The following SNTG2 variants were observed in gnomAD, a reference collection of about 807,000 sequenced individuals.
SNTG2 encodes syntrophin gamma 2.
Under a neutral mutation model 70.9 loss-of-function variants are expected in SNTG2, and 74 were observed. The observed-to-expected ratio is 1.04, with a 90% CI of 0.86 to 1.27. SNTG2 has a LOEUF of 1.27. Among genes scored for constraint, SNTG2 ranks in the 50% most tolerant of loss-of-function variants. The pLI is 0.00. For missense variants in SNTG2, 717 were observed against 690.7 expected, an observed-to-expected ratio of 1.04 and a Z score of -0.43; for synonymous variants, 278 against 273.8, an observed-to-expected ratio of 1.02 and a Z score of -0.15.
At position 1,052,049 on chromosome 2, in the gene SNTG2, A is replaced by AT. The variant is rs542649481; in HGVS notation, c.73-31461dup. Among the ~76,000 whole-genome samples, 31 of 148,306 alleles carry AT rather than the reference A, an allele frequency of 2.1e-4. No homozygotes were observed. In the South Asian group the frequency reaches 2.4e-3, roughly 11 times the overall value. ...TAGATTTCATAATATTTTATTTAGG[A>AT]TTTTTTTTATTTATATTCATGGGGG... On this transcript the variant is annotated intron_variant, in intron 1 of 16. Coordinates refer to ENST00000308624, the MANE Select transcript of SNTG2 (RefSeq NM_018968.4).
At chr2:1,275,653 A>C (rs990171947) in intron 14 of SNTG2, among the ~76,000 whole-genome samples, 1 of 147,454 alleles carries the variant, frequency 6.8e-6, no homozygotes, top group African/African-American at 2.6e-5. Flanking sequence ...AACAGTATTG[A>C]TATTAGGCCA....
chr2:1,112,787 CTAAG>C lies in SNTG2; in HGVS notation c.325+14379_325+14382del, dbSNP rs753125305. Among the ~76,000 whole-genome samples the C allele has an allele frequency of 4.6e-4, 69 of 151,290 alleles. 2 individuals carry two copies. Among genetic ancestry groups the C allele is most frequent in the Non-Finnish European group, 7.1e-4 (48 of 67,926 alleles). Reference sequence around the variant, plus strand: ...AGTCCTTTGAGGAGGATCGTGTGTACTAAGTGAGGTTTAACCCTTGCAGTCGTTT... The same window carrying C: ...AGTCCTTTGAGGAGGATCGTGTGTACTGAGGTTTAACCCTTGCAGTCGTTT... On this transcript the variant is annotated intron_variant, in intron 4 of 16. Coordinates refer to ENST00000308624, the MANE Select transcript of SNTG2 (RefSeq NM_018968.4).
chr2:1,077,559 A>T (rs903367466), intron 1 of SNTG2, among the ~76,000 whole-genome samples: 13 of 152,152 alleles, frequency 8.5e-5, no homozygotes, highest in African/African-American at 3.1e-4. Context: ...GGTCTGCGGC[A>T]CGCATTTAGT....
At chr2:1,236,792 C>T (rs1432882130) in intron 9 of SNTG2, among the ~76,000 whole-genome samples, 1 of 152,106 alleles carries the variant, frequency 6.6e-6, no homozygotes, top group Admixed American at 6.5e-5. Context: ...GCAGCGATGA[C>T]ACTCACATTT....
intron 1 of SNTG2, among the ~76,000 whole-genome samples, chr2:1,054,565 G>A (rs1454296886): frequency 6.6e-6 from 1 of 152,118 alleles, no homozygotes; most frequent in East Asian, 1.9e-4. Context: ...TGTTAGAGAA[G>A]GTCTCAGTAA....
At chr2:1,364,321 C>T (rs1363560508) in intron 16 of SNTG2, among the ~76,000 whole-genome samples, 4 of 151,328 alleles carry the variant, frequency 2.6e-5, no homozygotes, top group African/African-American at 9.7e-5. Context: ...GTAACTTCAA[C>T]TTATGGTACC....
At chr2:1,153,130 A>G (rs1320306851) in intron 6 of SNTG2, among the ~76,000 whole-genome samples, 5 of 152,122 alleles carry the variant, frequency 3.3e-5, no homozygotes, top group African/African-American at 1.2e-4. Context: ...ATCTCAAAAA[A>G]AAAAAAAATG....
In SNTG2 at chr2:951,002, C is replaced by A; in HGVS notation, c.6C>A (p.Gly2=). 1 of 1,255,964 alleles carries A rather than the reference C, an allele frequency of 8.0e-7. No individual in the cohort carries two copies. Among genetic ancestry groups the A allele is most frequent in the Non-Finnish European group, 1.0e-6 (1 of 1,003,616 alleles). The allele number at this position is 1,255,964 out of a possible 1,614,324, so 77.8% of individuals were successfully genotyped here. ...ACCCAGCCGCAGGGGCGGCGATGGG[C>A]ACCGAGGGACCCCCGCCCCCGGCCG... The part of the protein sequence containing the change: M[G]TEGPPPPAAS... Residue 2 remains glycine, a synonymous_variant, in exon 1 of 17, where the codon GGC becomes GGA. Coordinates refer to ENST00000308624, the MANE Select transcript of SNTG2 (RefSeq NM_018968.4).
intron 14 of SNTG2, among the ~76,000 whole-genome samples, chr2:1,269,533 A>G (rs1039127199): frequency 6.6e-6 from 1 of 151,844 alleles, no homozygotes; most frequent in African/African-American, 2.4e-5. Flanking sequence ...AAAAAAAGGT[A>G]TAGGGTAGGG....
chr2:1,286,723 T>A (rs888912991), intron 14 of SNTG2, among the ~76,000 whole-genome samples: 21 of 152,334 alleles, frequency 1.4e-4, no homozygotes, highest in African/African-American at 5.1e-4. Flanking sequence ...ACCAGGGAGC[T>A]GGCAGATCAC....
chr2:1,243,159 C>T (rs1394851303), intron 11 of SNTG2, among the ~76,000 whole-genome samples: 3 of 152,176 alleles, frequency 2.0e-5, no homozygotes, highest in African/African-American at 2.4e-5. Flanking sequence ...AGATTACTGG[C>T]GGTCTATTAT....
At chr2:1,221,345 C>G (rs1170037627) in intron 9 of SNTG2, among the ~76,000 whole-genome samples, 1 of 151,730 alleles carries the variant, frequency 6.6e-6, no homozygotes, top group Non-Finnish European at 1.5e-5. Context: ...CTGTTGCTGT[C>G]TCTGCCTCTG....
chr2:1,323,469 CA>C, intron 16 of SNTG2, among the ~76,000 whole-genome samples: 1 of 115,230 alleles, frequency 8.7e-6, no homozygotes, highest in East Asian at 4.0e-4. Context: ...TGAGACCCCC[CA>C]GTAGACTAGG....
chr2:1,098,211 C>T lies in SNTG2; in HGVS notation c.226C>T (p.Leu76Phe), dbSNP rs1340334947. 1.2e-6 allele frequency: 2 copies of T among 1,613,936 alleles called. No homozygotes were observed. The highest frequency in any genetic ancestry group is 1.7e-6 in the Non-Finnish European group (2 of 1,179,916). Reference protein sequence around the residue: ...HQGRNRRTVTLRRQPVGGLGL... With the variant: ...HQGRNRRTVTFRRQPVGGLGL... ...TGTTTTAAAGCGCAGAACTGTTACA[C>T]TCCGCAGACAGCCAGTTGGCGGCTT... is the stretch of plus-strand genomic sequence containing the variant. The change falls in exon 3 of 17, where the codon CTC (leucine) becomes TTC (phenylalanine). Residue 76 changes from leucine to phenylalanine, a missense_variant. Physicochemically the swap from Leu to Phe is conservative, Grantham distance 22. Coordinates refer to ENST00000308624, the MANE Select transcript of SNTG2 (RefSeq NM_018968.4).
chr2:1,061,789 C>T (rs1188080456), intron 1 of SNTG2, among the ~76,000 whole-genome samples: 1 of 152,180 alleles, frequency 6.6e-6, no homozygotes, highest in Non-Finnish European at 1.5e-5. Flanking sequence ...TCTTAAAACC[C>T]TCACAGTTCT....
At chr2:1,089,629 C>T (rs549453904) in intron 2 of SNTG2, among the ~76,000 whole-genome samples, 3 of 58,094 alleles carry the variant, frequency 5.2e-5, no homozygotes, top group Middle Eastern at 0.013. Context: ...AGCGAAACTC[C>T]GTCTCAAAAT....
At chr2:1,158,675 G>C (rs1045790160) in intron 6 of SNTG2, among the ~76,000 whole-genome samples, 2 of 152,214 alleles carry the variant, frequency 1.3e-5, no homozygotes, top group Admixed American at 1.3e-4. Flanking sequence ...AGGGGTGTGA[G>C]AGAATTAAAG....
At chr2:962,575 A>G (rs1660387177) in intron 1 of SNTG2, among the ~76,000 whole-genome samples, 1 of 152,224 alleles carries the variant, frequency 6.6e-6, no homozygotes, top group Non-Finnish European at 1.5e-5. Flanking sequence ...GAAGTAAGGA[A>G]TTTATCCATG....
chr2:1,154,908 TAC>T (rs374095729), intron 6 of SNTG2, among the ~76,000 whole-genome samples: 3 of 140,874 alleles, frequency 2.1e-5, no homozygotes, highest in East Asian at 2.1e-4. Context: ...ACATACCACA[TAC>T]ACACACACAA....
Sources: gnomAD v4.1 joint callset for allele counts (sites outside exome capture counted in the v4.1 genomes callset) on GRCh38, gnomAD v4.1.1 for gene constraint, MANE v1.5 for transcripts, NCBI Gene and HGNC (gene_info 2026-07-23, HGNC 2026-07-21) for gene names.